TMEM255A: variants seen among roughly 807,000 people sequenced by gnomAD.
TMEM255A encodes family with sequence similarity 70, member A.
TMEM255A carries 14 observed loss-of-function variants against 23.5 expected under a neutral mutation model. The ratio of observed to expected loss-of-function variants is 0.60; its 90% CI spans 0.39 to 0.93. The LOEUF (loss-of-function observed/expected upper bound fraction) is 0.93, where lower values mean the gene tolerates loss of function less well. Ranked by LOEUF, TMEM255A falls within the 40% of genes least tolerant of loss-of-function variation. The pLI, the probability that TMEM255A is intolerant of heterozygous loss-of-function variation, is 0.00. For missense variants in TMEM255A, 233 were observed against 261.7 expected (o/e 0.89, Z 0.76); for synonymous variants, 104 against 100.3 (o/e 1.04, Z -0.22).
At chrX:120,288,706 C>T (rs1002110375) in intron 4 of TMEM255A, among the ~76,000 whole-genome samples, 5 of 112,212 alleles carry the variant, frequency 4.5e-5, no homozygotes, top group African/African-American at 1.6e-4. Context: ...GAAGGGCTAC[C>T]AACTATGGCA....
chrX:120,302,260 A>G (rs1295259245), intron 2 of TMEM255A, among the ~76,000 whole-genome samples: 1 of 111,423 alleles, frequency 9.0e-6, no homozygotes, highest in African/African-American at 3.3e-5. Context: ...AAGATATTCC[A>G]CAGAGAAGGT....
chrX:120,306,810 G>T (rs1298501547), intron 1 of TMEM255A, among the ~76,000 whole-genome samples: 3 of 111,974 alleles, frequency 2.7e-5, no homozygotes. Flanking sequence ...TTTTAAAAGC[G>T]CAGGAAGAGC....
At chrX:120,266,647 C>T (rs2057719754) in intron 8 of TMEM255A, among the ~76,000 whole-genome samples, 1 of 112,322 alleles carries the variant, frequency 8.9e-6, no homozygotes, top group African/African-American at 3.2e-5. Context: ...ATGTAATTTA[C>T]TTTGATATAA....
At chrX:120,257,552 G>C (rs782079385), downstream of TMEM255A, 1 of 123,379 alleles carries the variant, frequency 8.1e-6, no homozygotes, top group Admixed American at 9.4e-5. Context: ...TGCTGCTGCT[G>C]CTGTGCTCTG....
At chrX:120,283,956 C>T (rs2057855016) in intron 6 of TMEM255A, among the ~76,000 whole-genome samples, 1 of 111,655 alleles carries the variant, frequency 9.0e-6, no homozygotes, top group African/African-American at 3.3e-5. Flanking sequence ...ACCACACCTT[C>T]TGTAACTACC....
chrX:120,284,374 ACTTGCTATTCC>A (rs2057858315), intron 6 of TMEM255A, among the ~76,000 whole-genome samples: 1 of 111,456 alleles, frequency 9.0e-6, no homozygotes, highest in Non-Finnish European at 1.9e-5. Context: ...GAACCTTTGC[ACTTGCTATTCC>A]CTCTGCTTGA....
intron 6 of TMEM255A, among the ~76,000 whole-genome samples, chrX:120,278,034 G>A (rs1659902172): frequency 9.0e-6 from 1 of 111,418 alleles, no homozygotes; most frequent in African/African-American, 3.3e-5. Context: ...GGATAGGATT[G>A]GTGGCTTTAT....
chrX:120,253,372 C>T, the TMEM255A span: 5 of 1,084,034 alleles, frequency 4.6e-6, no homozygotes, highest in Non-Finnish European at 6.1e-6. Context: ...TTTGTTTTTT[C>T]TCTCTAATCC....
intron 3 of TMEM255A, 113 bp from the exon 4 acceptor site, chrX:120,291,453 C>A: frequency 1.7e-6 from 1 of 587,476 alleles, no homozygotes; most frequent in South Asian, 3.0e-5. Context: ...GCCTACCACC[C>A]CATGGGAATG....
At chrX:120,263,604 A>G (rs1218054863) in intron 8 of TMEM255A, among the ~76,000 whole-genome samples, 1 of 111,781 alleles carries the variant, frequency 8.9e-6, no homozygotes, top group East Asian at 2.8e-4. Context: ...CTGGCTGGTG[A>G]TAATTACTAG....
At chrX:120,310,052 ATCT>A (rs781930357) in intron 1 of TMEM255A, 1 of 110,583 alleles carries the variant, frequency 9.0e-6, no homozygotes, top group East Asian at 2.9e-4. Context: ...AGGGGGTTCG[ATCT>A]TCTCCCTGCC....
chrX:120,269,457 A>G (rs2057740359), intron 7 of TMEM255A, among the ~76,000 whole-genome samples: 1 of 112,419 alleles, frequency 8.9e-6, no homozygotes, highest in Non-Finnish European at 1.9e-5. Flanking sequence ...CAGCACATTA[A>G]CAGAGAAGCA....
chrX:120,298,408 T>A (rs1556025272), intron 2 of TMEM255A, among the ~76,000 whole-genome samples: 1 of 111,433 alleles, frequency 9.0e-6, no homozygotes, highest in African/African-American at 3.3e-5. Flanking sequence ...ATCCACAAAG[T>A]TCTTAAAATA....
At chrX:120,296,543 G>A (rs2057957908) in intron 2 of TMEM255A, among the ~76,000 whole-genome samples, 1 of 94,023 alleles carries the variant, frequency 1.1e-5, no homozygotes, top group African/African-American at 3.9e-5. Flanking sequence ...GTAAGGGAGA[G>A]ACAGACTGGG....
rs150527613 is a variant in TMEM255A at position 120,304,479 on chromosome X, C to T, written c.71G>A (p.Arg24Gln). The change falls in exon 2 of 9, where the codon CGG (arginine) becomes CAG (glutamine). Residue 24 changes from arginine (R) to glutamine (Q), a missense_variant. Transcript: ENST00000371369. The part of the protein sequence containing the change: ...SLPDSMGAFN[R>Q]RKRNSIYVTV... ...GACATAGATGGAGTTTCGTTTCCTCCGATTGAATGCTCCTGAAAGCACAGA... is the reference window on the plus strand; with the variant it reads ...GACATAGATGGAGTTTCGTTTCCTCTGATTGAATGCTCCTGAAAGCACAGA... 37 of 1,206,833 alleles carry T rather than the reference C, an allele frequency of 3.1e-5. No individual in the cohort carries two copies. The highest frequency in any genetic ancestry group is 2.3e-4 in the African/African-American group (13 of 56,768).
At chrX:120,306,446 T>C (rs1556027081) in intron 1 of TMEM255A, among the ~76,000 whole-genome samples, 3 of 111,643 alleles carry the variant, frequency 2.7e-5, no homozygotes, top group African/African-American at 6.5e-5. Flanking sequence ...AATCTGTGAG[T>C]TGGTTCTACA....
chrX:120,287,003 T>C, intron 5 of TMEM255A, 151 bp downstream of exon 5: 2 of 516,615 alleles, frequency 3.9e-6, no homozygotes, highest in Admixed American at 5.4e-5. Context: ...CATGGCCTCA[T>C]TAGCAATGTG....
downstream of TMEM255A, chrX:120,255,520 A>C (rs1210112347): frequency 1.3e-6 from 1 of 766,788 alleles, no homozygotes; most frequent in Non-Finnish European, 1.9e-6. Context: ...GGTGCGAACA[A>C]GTTAATTTGA....
chrX:120,292,484 C>T (rs1203292765), intron 3 of TMEM255A, among the ~76,000 whole-genome samples: 3 of 110,415 alleles, frequency 2.7e-5, no homozygotes, highest in African/African-American at 6.6e-5. Flanking sequence ...CCACCCAGGG[C>T]GCAGTGGATC....
Sources: allele counts gnomAD v4.1 joint callset (sites outside exome capture counted in the v4.1 genomes callset), GRCh38; gene constraint gnomAD v4.1.1; transcripts MANE v1.5; gene names NCBI Gene and HGNC (gene_info 2026-07-23, HGNC 2026-07-21).